The following LOXHD1 variants were observed in gnomAD, a reference collection of about 807,000 sequenced individuals.
LOXHD1 encodes lipoxygenase homology PLAT domains 1.
A neutral mutation model predicts 248.2 loss-of-function variants in LOXHD1; 205 were observed. The observed-to-expected ratio is 0.83, with a 90% CI of 0.74 to 0.93. The LOEUF (loss-of-function observed/expected upper bound fraction) is 0.93. Ranked by LOEUF, LOXHD1 falls within the 40% of genes least tolerant of loss-of-function variation. LOXHD1 has a pLI of 0.00. For missense variants in LOXHD1, 2,930 were observed against 2,971.6 expected (o/e 0.99, Z 0.33); for synonymous variants, 1,113 against 1,162.8 (o/e 0.96, Z 0.87).
intron 40 of LOXHD1, among the ~76,000 whole-genome samples, chr18:46,479,830 G>T (rs142460552): frequency 2.0e-5 from 3 of 150,614 alleles, no homozygotes; most frequent in African/African-American, 7.3e-5. Flanking sequence ...CCAGGACTTT[G>T]CATTCTTGAA....
chr18:46,569,417 A>G, intron 16 of LOXHD1, 25 bp downstream of exon 16: 1 of 1,544,954 alleles, frequency 6.5e-7, no homozygotes, highest in Non-Finnish European at 8.8e-7. Context: ...GGATGATGTC[A>G]CATGGTCTTG....
chr18:46,499,707 T>C (rs2034104920), intron 37 of LOXHD1, among the ~76,000 whole-genome samples: 1 of 152,042 alleles, frequency 6.6e-6, no homozygotes, highest in African/African-American at 2.4e-5. Context: ...ATGAGGAGCA[T>C]TTTTGTCTAA....
chr18:46,579,870 T>TC, intron 12 of LOXHD1, 86 bp from the exon 13 acceptor site: 1 of 1,438,820 alleles, frequency 7.0e-7, no homozygotes. Flanking sequence ...AAGCTCTGAT[T>TC]CCTCCTCTCC....
rs1459515851 is a variant in LOXHD1 at position 46,518,169 on chromosome 18, C to T, written c.5359G>A (p.Gly1787Arg). The change falls in exon 34 of 41, where the codon GGG becomes AGG. Residue 1787 changes from glycine to arginine, a missense_variant. Transcript: ENST00000642948. ...NIFMTLYGIN[G>R]STEEMQLDKK... ...TCCAGCTGCATCTCCTCTGTGCTCCCGTTGATGCCGTAGAGGGTCATGAAG... is the reference window on the plus strand; with the variant it reads ...TCCAGCTGCATCTCCTCTGTGCTCCTGTTGATGCCGTAGAGGGTCATGAAG... 1.7e-5 allele frequency: 26 copies of T among 1,551,578 alleles called. No homozygotes were observed. Among genetic ancestry groups the T allele is most frequent in the African/African-American group, 2.7e-5 (2 of 73,024 alleles).
intron 4 of LOXHD1, among the ~76,000 whole-genome samples, chr18:46,634,515 G>A (rs1490578778): frequency 6.6e-6 from 1 of 152,194 alleles, no homozygotes; most frequent in Non-Finnish European, 1.5e-5. Flanking sequence ...TTCCAGCACA[G>A]TATTTTCAGA....
chr18:46,555,175 C>G (rs770748743), intron 21 of LOXHD1: 1 of 470,996 alleles, frequency 2.1e-6, no homozygotes, highest in Admixed American at 2.3e-5. Context: ...TTGTCCCCAG[C>G]CTCATGGTTC....
chr18:46,621,423 A>G (rs559091891), intron 4 of LOXHD1, among the ~76,000 whole-genome samples: 2 of 152,326 alleles, frequency 1.3e-5, no homozygotes, highest in East Asian at 1.9e-4. Flanking sequence ...CCATGGCCCA[A>G]TGCCGGCCCT....
intron 19 of LOXHD1, 35 bp downstream of exon 19, chr18:46,560,048 T>TGCCGCCCCC: frequency 1.6e-6 from 2 of 1,226,296 alleles, no homozygotes; most frequent in Non-Finnish European, 2.3e-6. Context: ...GTCTGGCCAC[T>TGCCGCCCCC]CCCTCCCCAC....
chr18:46,565,186 C>A (rs2037613348), intron 17 of LOXHD1, among the ~76,000 whole-genome samples: 1 of 151,910 alleles, frequency 6.6e-6, no homozygotes, highest in Non-Finnish European at 1.5e-5. Context: ...ATCGCTTGAA[C>A]CCGGGAGGAG....
At chr18:46,578,104 C>T (rs141528068) in intron 13 of LOXHD1, among the ~76,000 whole-genome samples, 125 of 152,316 alleles carry the variant, frequency 8.2e-4, no homozygotes, top group Non-Finnish European at 1.6e-3. Flanking sequence ...GCAGCTTCCT[C>T]TGGGAAAATA....
chr18:46,611,676 T>C (rs1232299407), intron 5 of LOXHD1, among the ~76,000 whole-genome samples: 1 of 152,120 alleles, frequency 6.6e-6, no homozygotes, highest in East Asian at 1.9e-4. Flanking sequence ...ATACAGAAAA[T>C]AATATAAGAC....
chr18:46,654,312 T>C (rs988767185), intron 1 of LOXHD1, among the ~76,000 whole-genome samples: 2 of 152,262 alleles, frequency 1.3e-5, no homozygotes, highest in Admixed American at 1.3e-4. Context: ...ATCATTTCCA[T>C]TGACAACATC....
intron 29 of LOXHD1, among the ~76,000 whole-genome samples, chr18:46,527,917 T>C (rs1412989240): frequency 6.6e-6 from 1 of 152,294 alleles, no homozygotes; most frequent in South Asian, 2.1e-4. Flanking sequence ...ATCTGGTTGG[T>C]GAAGCAGTGA....
chr18:46,542,699 C>G, intron 24 of LOXHD1, 28 bp downstream of exon 24: 2 of 1,551,136 alleles, frequency 1.3e-6, no homozygotes, highest in East Asian at 4.9e-5. Context: ...AAAGTCTTAG[C>G]AAGGAACAGA....
intron 29 of LOXHD1, 110 bp from the exon 30 acceptor site, chr18:46,525,027 A>T (rs566641610): frequency 3.1e-6 from 4 of 1,274,912 alleles, no homozygotes; most frequent in Non-Finnish European, 4.4e-6. Context: ...CACTGAACAG[A>T]CCTTCTTTGC....
At chr18:46,534,258 C>T (rs571799124) in intron 27 of LOXHD1, 77 bp downstream of exon 27, 1 of 948,520 alleles carries the variant, frequency 1.1e-6, no homozygotes, top group East Asian at 2.6e-5. Context: ...GCCAGTAGGT[C>T]CTCACAGGGA....
chr18:46,560,522 CTCGCCCACG>C lies in LOXHD1; in HGVS notation c.2613_2621del (p.Asp871_Gly873del). ...TGTGCCCGAGCCGGAGCTTATAGAC[CTCGCCCACG>C]TCGGCCGCCTCAAGCTGTTCAAAGG... On this transcript the variant is annotated inframe_deletion, in exon 19 of 41. Transcript: ENST00000642948. The C allele has an allele frequency of 6.5e-7, 1 of 1,533,204 alleles. No individual in the cohort carries two copies. Among genetic ancestry groups the C allele is most frequent in the Non-Finnish European group, 8.7e-7 (1 of 1,143,980 alleles). The allele number at this position is 1,533,204 out of a possible 1,614,324, so 95.0% of individuals were successfully genotyped here. A position where few individuals can be genotyped will look rare whatever the true frequency, so the allele number is the denominator to read the frequency against.
At chr18:46,655,609 G>A (rs975925118) in intron 1 of LOXHD1, among the ~76,000 whole-genome samples, 17 of 152,124 alleles carry the variant, frequency 1.1e-4, no homozygotes, top group Admixed American at 2.6e-4. Flanking sequence ...CTTTTTCCTG[G>A]GCCCACTTCC....
Position 46,610,827 on chromosome 18 carries a change from G to C in LOXHD1, c.708C>G (p.Ile236Met). Residue 236 changes from isoleucine (I) to methionine (M), a missense_variant, in exon 6 of 41, where the codon ATC becomes ATG. Transcript: ENST00000642948. Reference sequence around the variant, plus strand: ...CCCCCTTATTGTTGTGGCCAACATTGATCTTCATCAGCTGCCCCAAATCCG... The same window carrying C: ...CCCCCTTATTGTTGTGGCCAACATTCATCTTCATCAGCTGCCCCAAATCCG... ...DAPDLGQLMK[I>M]NVGHNNKGGS... is the part of the protein sequence containing the mutation. 7 of 1,551,684 alleles carry C rather than the reference G, an allele frequency of 4.5e-6. No homozygotes were observed. Among genetic ancestry groups the C allele is most frequent in the Non-Finnish European group, 6.1e-6 (7 of 1,146,974 alleles).
Sources: allele counts gnomAD v4.1 joint callset (sites outside exome capture counted in the v4.1 genomes callset), GRCh38; gene constraint gnomAD v4.1.1; transcripts MANE v1.5; gene names NCBI Gene and HGNC (gene_info 2026-07-23, HGNC 2026-07-21).